Variants in DCAF1 observed in about 807,000 individuals in gnomAD.
DCAF1 encodes the protein DDB1- and CUL4-associated factor 1.
DCAF1 carries 15 observed loss-of-function variants against 128.0 expected under a neutral mutation model. That is an observed-to-expected ratio of 0.12 (90% CI 0.08 to 0.18). DCAF1 has a LOEUF of 0.18. Ranked by LOEUF, DCAF1 falls within the 10% of genes least tolerant of loss-of-function variation. The probability of loss-of-function intolerance (pLI) is 1.00; values close to 1 mark genes in which losing one functional copy is unlikely to be tolerated. For missense variants in DCAF1, 988 were observed against 1,649.5 expected, an observed-to-expected ratio of 0.60 and a Z score of 6.95; for synonymous variants, 610 against 603.0, an observed-to-expected ratio of 1.01 and a Z score of -0.17.
intron 6 of DCAF1, among the ~76,000 whole-genome samples, chr3:51,446,340 C>T (rs1701850161): frequency 6.6e-6 from 1 of 152,170 alleles, no homozygotes; most frequent in South Asian, 2.1e-4. Context: ...AGGCTGGGAG[C>T]AGTGGCTCAT....
At chr3:51,424,290 C>G (rs1699707630) in intron 13 of DCAF1, among the ~76,000 whole-genome samples, 1 of 151,782 alleles carries the variant, frequency 6.6e-6, no homozygotes, top group Non-Finnish European at 1.5e-5. Flanking sequence ...GTCCCAGTTA[C>G]TCAGGAGGCT....
At chr3:51,468,703 C>T (rs1472651925) in intron 4 of DCAF1, among the ~76,000 whole-genome samples, 1 of 152,130 alleles carries the variant, frequency 6.6e-6, no homozygotes, top group Non-Finnish European at 1.5e-5. Flanking sequence ...CTAATGTTAG[C>T]TGTTTATAAA....
At chr3:51,433,306 A>T in intron 9 of DCAF1, 42 bp from the exon 10 acceptor site, 1 of 398,442 alleles carries the variant, frequency 2.5e-6, no homozygotes, top group East Asian at 3.6e-5. Context: ...TAATCTAGAA[A>T]ATTAACAAAA....
downstream of DCAF1, chr3:51,396,885 T>C (rs899710047): frequency 1.2e-5 from 2 of 167,040 alleles, no homozygotes; most frequent in African/African-American, 4.8e-5. Context: ...GTACCAGCAG[T>C]CAGACTATTC....
At chr3:51,485,833 A>C (rs1207350039) in intron 2 of DCAF1, among the ~76,000 whole-genome samples, 1 of 152,190 alleles carries the variant, frequency 6.6e-6, no homozygotes, top group African/African-American at 2.4e-5. Flanking sequence ...ATAACTCCAA[A>C]GGAAAATACC....
chr3:51,421,131 G>A (rs1047899922), intron 14 of DCAF1, 134 bp from the exon 15 acceptor site: 58 of 1,069,290 alleles, frequency 5.4e-5, no homozygotes, highest in Admixed American at 8.6e-5. Flanking sequence ...AAAACTGCAA[G>A]GGTTTGTATA....
In DCAF1 at chr3:51,403,121, C is replaced by G. The variant is rs782490367; in HGVS notation, c.4465+22G>C. On this transcript the variant is annotated intron_variant, in intron 24 of 24. Coordinates refer to ENST00000684031, the MANE Select transcript of DCAF1 (RefSeq NM_001387579.1). ...CTTGCCCTGGGTGCCAAGGCTCAGC[C>G]TGAACTCTGCCCTATACTTACTGTC... 1.9e-5 allele frequency: 30 copies of G among 1,590,612 alleles called. No individual in the cohort carries two copies. In the African/African-American group the frequency reaches 3.4e-4, roughly 18 times the overall value.
At chr3:51,427,285 T>C (rs1318784002) in intron 13 of DCAF1, 87 bp downstream of exon 13, 1 of 567,194 alleles carries the variant, frequency 1.8e-6, no homozygotes. Context: ...CAACAAATGT[T>C]TGTTAAGCAT....
intron 23 of DCAF1, among the ~76,000 whole-genome samples, chr3:51,409,609 G>T (rs781859553): frequency 6.6e-6 from 1 of 152,194 alleles, no homozygotes; most frequent in African/African-American, 2.4e-5. Flanking sequence ...TGGTAGTGAT[G>T]AATAAACCCA....
Position 51,493,079 on chromosome 3 carries a change from GT to G in DCAF1, c.-9+3654del, listed in dbSNP as rs1352850759. Among the ~76,000 whole-genome samples the G allele has an allele frequency of 2.3e-4, 34 of 146,780 alleles. 1 individual carries two copies. Among genetic ancestry groups the G allele is most frequent in the South Asian group, 8.6e-4 (4 of 4,632 alleles). ...TTGGGACTCTCTCAAAAAGTTGCAGGTTTTTTTTTTTAAGTCACATGTAGAA... is the reference window on the plus strand; with the variant it reads ...TTGGGACTCTCTCAAAAAGTTGCAGGTTTTTTTTTTAAGTCACATGTAGAA... On this transcript the variant is annotated intron_variant, in intron 2 of 24. Transcript: ENST00000684031.
intron 6 of DCAF1, among the ~76,000 whole-genome samples, chr3:51,450,942 A>G (rs1437346423): frequency 2.0e-5 from 3 of 152,074 alleles, no homozygotes; most frequent in Admixed American, 2.0e-4. Context: ...AAAACCCTAA[A>G]GACTCCATAC....
At chr3:51,488,020 A>G (rs1707176419) in intron 2 of DCAF1, among the ~76,000 whole-genome samples, 1 of 151,716 alleles carries the variant, frequency 6.6e-6, no homozygotes, top group African/African-American at 2.4e-5. Context: ...ACGCGCCATC[A>G]TGCCCGGCTA....
chr3:51,468,629 A>C (rs1474541076), intron 4 of DCAF1, among the ~76,000 whole-genome samples: 1 of 152,202 alleles, frequency 6.6e-6, no homozygotes, highest in Non-Finnish European at 1.5e-5. Flanking sequence ...ATCTCAAAGT[A>C]ATTCACAAAA....
At chr3:51,462,228 C>T (rs1294557588) in intron 6 of DCAF1, among the ~76,000 whole-genome samples, 1 of 151,722 alleles carries the variant, frequency 6.6e-6, no homozygotes, top group Non-Finnish European at 1.5e-5. Context: ...TTGAGACCAG[C>T]CTGGCCAACA....
intron 2 of DCAF1, among the ~76,000 whole-genome samples, chr3:51,484,310 T>C (rs1706654036): frequency 6.6e-6 from 1 of 151,840 alleles, no homozygotes; most frequent in Non-Finnish European, 1.5e-5. Flanking sequence ...CTGTCTCTAC[T>C]AAAAATACAA....
intron 3 of DCAF1, among the ~76,000 whole-genome samples, chr3:51,472,907 T>G (rs1704924342): frequency 6.7e-6 from 1 of 148,626 alleles, no homozygotes; most frequent in African/African-American, 2.5e-5. Flanking sequence ...TCAGGTGATC[T>G]GCCCGCCTCA....
At position 51,467,718 on chromosome 3, in the gene DCAF1, T is replaced by A. The variant is rs150702725; in HGVS notation, c.188-842A>T. 1.6e-3 allele frequency among the ~76,000 whole-genome samples: 251 copies of A among 152,296 alleles called. 2 individuals carry two copies. The highest frequency in any genetic ancestry group is 5.7e-3 in the African/African-American group (239 of 41,572). ...CGTAAAAACTTGAGACACTGCTCTCTAGCCTTCCCATCTCCTAGCATACTG... is the reference window on the plus strand; with the variant it reads ...CGTAAAAACTTGAGACACTGCTCTCAAGCCTTCCCATCTCCTAGCATACTG... On this transcript the variant is annotated intron_variant, in intron 4 of 24. Transcript: ENST00000684031.
intron 24 of DCAF1, 33 bp downstream of exon 24, chr3:51,403,110 C>G: frequency 1.3e-6 from 2 of 1,573,930 alleles, no homozygotes; most frequent in Non-Finnish European, 1.7e-6. Context: ...CCCTGGGTGC[C>G]AAGGCTCAGC....
chr3:51,419,610 G>A (rs577565551), intron 15 of DCAF1, 124 bp downstream of exon 15: 1 of 1,454,944 alleles, frequency 6.9e-7, no homozygotes, highest in East Asian at 2.4e-5. Context: ...CAATTACATT[G>A]TTCAAGTATT....
Sources: gnomAD v4.1 joint callset for allele counts (sites outside exome capture counted in the v4.1 genomes callset) on GRCh38, gnomAD v4.1.1 for gene constraint, MANE v1.5 for transcripts, NCBI Gene and HGNC (gene_info 2026-07-23, HGNC 2026-07-21) for gene names.